Variants in DTX2 observed in about 807,000 individuals in gnomAD.
The protein encoded by DTX2 is probable E3 ubiquitin-protein ligase DTX2.
DTX2 carries 29 observed loss-of-function variants against 55.3 expected under a neutral mutation model. The ratio of observed to expected loss-of-function variants is 0.52; its 90% CI spans 0.39 to 0.71. The LOEUF (loss-of-function observed/expected upper bound fraction) is 0.71. Among genes scored for constraint, DTX2 ranks in the 30% least tolerant of loss-of-function variants. The pLI is 0.00. For missense variants in DTX2, 537 were observed against 822.5 expected, an observed-to-expected ratio of 0.65 and a Z score of 4.25; for synonymous variants, 276 against 340.4, an observed-to-expected ratio of 0.81 and a Z score of 2.08.
At chr7:76,474,626 C>G (rs1349197643) in intron 2 of DTX2, 1 of 151,914 alleles carries the variant, frequency 6.6e-6, no homozygotes, top group Non-Finnish European at 1.5e-5. Flanking sequence ...TGAAAGTAGC[C>G]GTGGCTCAGT....
intron 2 of DTX2, among the ~76,000 whole-genome samples, chr7:76,464,919 TTTG>T (rs1158316716): frequency 2.0e-5 from 3 of 150,764 alleles, no homozygotes; most frequent in East Asian, 1.9e-4. Flanking sequence ...TTTCATTCTT[TTTG>T]TTGTTGTTGT....
intron 6 of DTX2, chr7:76,500,109 C>T: frequency 2.9e-6 from 1 of 348,254 alleles, no homozygotes; most frequent in Non-Finnish European, 5.7e-6. Context: ...TCCGCGCAGC[C>T]TCAGAAGCGC....
intron 2 of DTX2, among the ~76,000 whole-genome samples, chr7:76,476,095 T>G (rs141720355): frequency 0.092 from 3,259 of 35,456 alleles, 175 homozygotes; most frequent in Middle Eastern, 0.24. Flanking sequence ...TAAGACTGAT[T>G]TGTATTCCAT....
intron 9 of DTX2, among the ~76,000 whole-genome samples, chr7:76,504,016 A>C (rs1416066520): frequency 1.3e-5 from 2 of 148,470 alleles, no homozygotes; most frequent in African/African-American, 4.9e-5. Flanking sequence ...AAGGCCCCAG[A>C]GTCCCAGAGG....
At position 76,480,624 on chromosome 7, in the gene DTX2, T is replaced by C; in HGVS notation, c.115T>C (p.Cys39Arg). 6.2e-7 allele frequency: 1 copy of C among 1,613,576 alleles called. No individual in the cohort carries two copies. Among genetic ancestry groups the C allele is most frequent in the African/African-American group, 1.3e-5 (1 of 75,032 alleles). The change falls in exon 3 of 11, where the codon TGC becomes CGC. Residue 39 changes from cysteine (C) to arginine (R), a missense_variant. By Grantham distance (180) the Cys-to-Arg change is radical. Transcript: ENST00000430490. ...CTGGCACCCCTACAGTGCCACCGTC[T>C]GCAGCTTCATCGAGCAGCAGTTTGT... ...GTWHPYSATV[C>R]SFIEQQFVQQ...
intron 7 of DTX2, chr7:76,501,427 C>T (rs1386435649): frequency 1.4e-5 from 5 of 353,726 alleles, no homozygotes; most frequent in East Asian, 1.6e-4. Flanking sequence ...GTGACTGGGC[C>T]GTTTCACCCC....
chr7:76,484,308 C>A, intron 4 of DTX2, among the ~76,000 whole-genome samples: 1 of 103,852 alleles, frequency 9.6e-6, no homozygotes, highest in East Asian at 2.6e-4. Context: ...CGTGCCACTG[C>A]GTTCCAGCCT....
chr7:76,495,917 C>T (rs1157479021), intron 5 of DTX2, among the ~76,000 whole-genome samples: 1 of 101,884 alleles, frequency 9.8e-6, no homozygotes, highest in South Asian at 3.6e-4. Flanking sequence ...ACGTGGGCAG[C>T]GCAGAGGCAC....
At chr7:76,486,971 A>G (rs1199302571) in intron 4 of DTX2, among the ~76,000 whole-genome samples, 3 of 132,556 alleles carry the variant, frequency 2.3e-5, no homozygotes, top group East Asian at 2.5e-4. Flanking sequence ...TGGGGCCCAG[A>G]TGGAGCCTTG....
chr7:76,483,420 AG>A (rs1474251302), intron 4 of DTX2, among the ~76,000 whole-genome samples: 1 of 152,268 alleles, frequency 6.6e-6, no homozygotes, highest in Non-Finnish European at 1.5e-5. Flanking sequence ...GCAGAGTTAA[AG>A]GCCTGTGGCC....
At chr7:76,478,452 G>A (rs896201633) in intron 2 of DTX2, among the ~76,000 whole-genome samples, 1 of 136,998 alleles carries the variant, frequency 7.3e-6, no homozygotes, top group Non-Finnish European at 1.5e-5. Flanking sequence ...GGGACCTCTT[G>A]TCACCGAGGC....
chr7:76,468,042 C>T (rs1004767975), intron 2 of DTX2, among the ~76,000 whole-genome samples: 1 of 152,268 alleles, frequency 6.6e-6, no homozygotes, highest in Non-Finnish European at 1.5e-5. Flanking sequence ...GCCATGGGAA[C>T]AGATCCTGAG....
chr7:76,479,322 T>G, intron 2 of DTX2, among the ~76,000 whole-genome samples: 1 of 90,292 alleles, frequency 1.1e-5, no homozygotes, highest in South Asian at 4.5e-4. Context: ...GGTCGGGGAG[T>G]GGGTGCAGAG....
Position 76,505,712 on chromosome 7 carries a change from G to A in DTX2, c.*111G>A. 8.3e-7 allele frequency: 1 copy of A among 1,204,200 alleles called. No homozygotes were observed. Among genetic ancestry groups the A allele is most frequent in the Non-Finnish European group, 1.2e-6 (1 of 866,710 alleles). The allele number at this position is 1,204,200 out of a possible 1,614,324, so 74.6% of individuals were successfully genotyped here. A position where few individuals can be genotyped will look rare whatever the true frequency, so the allele number is the denominator to read the frequency against. On this transcript the variant is annotated 3_prime_UTR_variant, in exon 11 of 11. Coordinates refer to ENST00000430490, the MANE Select transcript of DTX2 (RefSeq NM_001102594.3). This position sits in a 1 kb window ranked among gnomAD's most constrained non-coding sequence, Gnocchi z 4.4. ...AGAGGCTGGGAGGTTTGTTGAGGGT[G>A]TGGGGTGTGCCCCACCTGAAGCCGG...
rs1235823853 is a variant in DTX2 at position 76,505,290 on chromosome 7, C to G, written c.1642-84C>G. On this transcript the variant is annotated intron_variant, in intron 10 of 10. Coordinates refer to ENST00000430490, the MANE Select transcript of DTX2 (RefSeq NM_001102594.3). The surrounding 1 kb of genome is among the most constrained non-coding windows in gnomAD (Gnocchi z 4.4). ...CTGGGAGGGGCTGGGATGGGAAGAA[C>G]ATGGTGCCAACCCGTGCCTGCTCAC... 8.5e-7 allele frequency: 1 copy of G among 1,179,634 alleles called. No individual in the cohort carries two copies. The highest frequency in any genetic ancestry group is 1.5e-5 in the African/African-American group (1 of 65,910). The allele number at this position is 1,179,634 out of a possible 1,614,324, so 73.1% of individuals were successfully genotyped here.
chr7:76,503,573 C>G lies in DTX2; in HGVS notation c.1537C>G (p.Pro513Ala). The G allele has an allele frequency of 6.2e-7, 1 of 1,611,348 alleles. No individual in the cohort carries two copies. Among genetic ancestry groups the G allele is most frequent in the Non-Finnish European group, 8.5e-7 (1 of 1,178,966 alleles). The change falls in exon 9 of 11, where the codon CCC becomes GCC. Residue 513 changes from proline to alanine, a missense_variant. By Grantham distance (27) the Pro-to-Ala change is conservative (BLOSUM62 -1). Transcript: ENST00000430490. Reference sequence around the variant, plus strand: ...GACCATCCTCATAGTTTACAGCATTCCCCATGGTATCCAGGTGAGGGGCCT... The same window carrying G: ...GACCATCCTCATAGTTTACAGCATTGCCCATGGTATCCAGGTGAGGGGCCT... ...CGTILIVYSI[P>A]HGIQGPEHPN...
chr7:76,500,971 T>A (rs1638077), intron 7 of DTX2, among the ~76,000 whole-genome samples: 38,854 of 150,448 alleles, frequency 0.26, 4,711 homozygotes, highest in Middle Eastern at 0.44. Flanking sequence ...CCAGGCTCAG[T>A]GCAGTGGCGT....
intron 2 of DTX2, among the ~76,000 whole-genome samples, chr7:76,465,188 A>G (rs1214640942): frequency 1.4e-5 from 2 of 145,334 alleles, no homozygotes; most frequent in African/African-American, 2.8e-5. Context: ...AGGGTGGGTA[A>G]GGTGAGGACA....
intron 1 of DTX2, among the ~76,000 whole-genome samples, chr7:76,463,045 C>G: frequency 8.5e-6 from 1 of 118,056 alleles, no homozygotes; most frequent in African/African-American, 3.3e-5. Flanking sequence ...GCAGCATGGG[C>G]GACAGAGGGA....
Sources: allele counts gnomAD v4.1 joint callset (sites outside exome capture counted in the v4.1 genomes callset), GRCh38; gene constraint gnomAD v4.1.1; non-coding constraint Gnocchi (gnomAD v3.1); transcripts MANE v1.5; gene names NCBI Gene and HGNC (gene_info 2026-07-23, HGNC 2026-07-21).